Variants in INSL6 observed in about 807,000 individuals in gnomAD.
INSL6 encodes the protein insulin like 6.
A neutral mutation model predicts 9.4 loss-of-function variants in INSL6; 16 were observed. The ratio of observed to expected loss-of-function variants is 1.70; its 90% confidence interval spans 1.15 to 2.59. INSL6 has a LOEUF of 2.59. Among genes scored for constraint, INSL6 ranks in the 30% most tolerant of loss-of-function variants. The pLI is 0.00. For synonymous variants in INSL6, 154 were observed against 96.9 expected, an observed-to-expected ratio of 1.59 and a Z score of -3.46; for missense variants, 391 against 257.3, an observed-to-expected ratio of 1.52 and a Z score of -3.56.
the INSL6 span, among the ~76,000 whole-genome samples, chr9:5,006,815 A>G: frequency 1.3e-5 from 2 of 152,286 alleles, no homozygotes; most frequent in South Asian, 2.1e-4. Context: ...GGGACACAGA[A>G]CCAAACCATA....
the INSL6 span, chr9:5,112,985 G>T: frequency 5.3e-6 from 1 of 188,064 alleles, no homozygotes; most frequent in South Asian, 1.6e-4. Context: ...ACACCGACCT[G>T]ATGAGGCTCA....
chr9:5,035,408 A>C, the INSL6 span, among the ~76,000 whole-genome samples: 1 of 152,212 alleles, frequency 6.6e-6, no homozygotes, highest in Non-Finnish European at 1.5e-5. Context: ...CCTGATACCA[A>C]AGCCTGGCAG....
chr9:5,122,269 G>A (rs1156351500), downstream of INSL6, among the ~76,000 whole-genome samples: 2 of 152,048 alleles, frequency 1.3e-5, no homozygotes, highest in Non-Finnish European at 2.9e-5. Flanking sequence ...CAGTCCACTA[G>A]GCCAAAACGT....
the INSL6 span, among the ~76,000 whole-genome samples, chr9:5,019,226 A>T: frequency 6.6e-6 from 1 of 152,158 alleles, no homozygotes; most frequent in African/African-American, 2.4e-5. Context: ...CCCATATGTC[A>T]TGCAGGCTTT....
At chr9:5,114,273 C>T in the INSL6 span, 1 of 544,844 alleles carries the variant, frequency 1.8e-6, no homozygotes, top group South Asian at 1.6e-5. Flanking sequence ...GGACCTGGCA[C>T]CCAGCAAGGA....
chr9:4,995,873 ATTAAG>A, the INSL6 span, among the ~76,000 whole-genome samples: 30 of 152,232 alleles, frequency 2.0e-4, no homozygotes, highest in African/African-American at 7.0e-4. Flanking sequence ...ATTGTGAAGT[ATTAAG>A]TTATTTTTTG....
chr9:5,098,425 AT>A, the INSL6 span: 1 of 152,202 alleles, frequency 6.6e-6, no homozygotes, highest in Non-Finnish European at 1.5e-5. Context: ...CCACGTTCTT[AT>A]AATTATTTTC....
intron 3 of INSL6, among the ~76,000 whole-genome samples, chr9:5,125,232 T>A (rs1206084277): frequency 6.6e-6 from 1 of 151,132 alleles, no homozygotes; most frequent in Admixed American, 6.6e-5. Flanking sequence ...AAAACTTTTA[T>A]AACTTTTATA....
At chr9:5,041,890 G>T in the INSL6 span, 1 of 420,088 alleles carries the variant, frequency 2.4e-6, no homozygotes, top group Admixed American at 3.2e-5. Flanking sequence ...GCCCATCAGG[G>T]CGCCTGCAGA....
At chr9:5,076,615 A>G in the INSL6 span, among the ~76,000 whole-genome samples, 2 of 152,200 alleles carry the variant, frequency 1.3e-5, no homozygotes, top group Non-Finnish European at 2.9e-5. Context: ...GATACCAAGA[A>G]ATTCATGACT....
At chr9:5,063,063 C>T in the INSL6 span, among the ~76,000 whole-genome samples, 3 of 151,980 alleles carry the variant, frequency 2.0e-5, no homozygotes, top group Non-Finnish European at 4.4e-5. Flanking sequence ...AGCTAAATAC[C>T]TTTTATAGTT....
chr9:5,056,484 T>G, the INSL6 span, among the ~76,000 whole-genome samples: 1 of 152,132 alleles, frequency 6.6e-6, no homozygotes, highest in African/African-American at 2.4e-5. Context: ...GTCTGGCTGT[T>G]CCAGGGTTAT....
At chr9:5,021,420 C>T in the INSL6 span, among the ~76,000 whole-genome samples, 5 of 152,248 alleles carry the variant, frequency 3.3e-5, no homozygotes, top group African/African-American at 1.2e-4. Flanking sequence ...TTTATATCAT[C>T]GTCCTCAATT....
chr9:5,035,299 GA>G, the INSL6 span, among the ~76,000 whole-genome samples: 1 of 152,194 alleles, frequency 6.6e-6, no homozygotes, highest in South Asian at 2.1e-4. Context: ...AATTCTACCA[GA>G]GGTGCAAAGA....
At chr9:5,059,447 T>G in the INSL6 span, among the ~76,000 whole-genome samples, 1 of 152,194 alleles carries the variant, frequency 6.6e-6, no homozygotes, top group Non-Finnish European at 1.5e-5. Context: ...GTACCTCAAA[T>G]TTTAAATGTA....
chr9:5,044,820 T>G, the INSL6 span, among the ~76,000 whole-genome samples: 16 of 152,328 alleles, frequency 1.1e-4, no homozygotes, highest in African/African-American at 3.8e-4. Context: ...TACAACATGA[T>G]TCATGTAGAC....
the INSL6 span, among the ~76,000 whole-genome samples, chr9:5,102,415 A>G: frequency 1.6e-4 from 24 of 152,378 alleles, no homozygotes; most frequent in African/African-American, 5.8e-4. Flanking sequence ...TCTACATTTG[A>G]TTGTTGTACC....
At chr9:5,114,569 CT>C in the INSL6 span, 7 of 491,112 alleles carry the variant, frequency 1.4e-5, no homozygotes, top group South Asian at 9.4e-5. Flanking sequence ...TGATCCAGAA[CT>C]TCTGGCCCAA....
At chr9:5,117,676 TAA>T in the INSL6 span, among the ~76,000 whole-genome samples, 1 of 83,804 alleles carries the variant, frequency 1.2e-5, no homozygotes, top group African/African-American at 5.2e-5. Flanking sequence ...AATAAATTAA[TAA>T]ATATTTTTAT....
Sources: gnomAD v4.1 joint callset for allele counts (sites outside exome capture counted in the v4.1 genomes callset) on GRCh38, gnomAD v4.1.1 for gene constraint, MANE v1.5 for transcripts, NCBI Gene and HGNC (gene_info 2026-07-23, HGNC 2026-07-21) for gene names.